TEAD4: variants seen among roughly 807,000 people sequenced by gnomAD.
TEAD4 encodes the protein TEA domain transcription factor 4.
TEAD4 carries 36 observed loss-of-function variants against 52.4 expected under a neutral mutation model. That is an observed-to-expected ratio of 0.69 (90% CI 0.53 to 0.91). TEAD4 has a LOEUF of 0.91. TEAD4 is among the 40% of genes least tolerant of loss of function. The pLI is 0.00. For synonymous variants in TEAD4, 220 were observed against 231.0 expected, an observed-to-expected ratio of 0.95 and a Z score of 0.43; for missense variants, 508 against 583.9, an observed-to-expected ratio of 0.87 and a Z score of 1.34.
At chr12:2,978,493 T>C (rs1308091819) in intron 2 of TEAD4, among the ~76,000 whole-genome samples, 1 of 150,610 alleles carries the variant, frequency 6.6e-6, no homozygotes, top group Non-Finnish European at 1.5e-5. Flanking sequence ...GCTCGCTGCC[T>C]CCGGGGTTCA....
At position 3,038,081 on chromosome 12, in the gene TEAD4, C is replaced by T. The variant is rs751102811; in HGVS notation, c.1011C>T (p.Phe337=). Reference sequence around the variant, plus strand: ...CCTGCTCCACGAAGGTCTGCTCTTTCGGCAAGCAGGTGGTGGAGAAAGTTG... The same window carrying T: ...CCTGCTCCACGAAGGTCTGCTCTTTTGGCAAGCAGGTGGTGGAGAAAGTTG... Residue 337 remains phenylalanine (F), a synonymous_variant, in exon 11 of 13, where the codon TTC becomes TTT. Transcript: ENST00000359864. 20 of 1,613,270 alleles carry T rather than the reference C, an allele frequency of 1.2e-5. No homozygotes were observed. Among genetic ancestry groups the T allele is most frequent in the African/African-American group, 1.2e-4 (9 of 74,910 alleles).
At chr12:2,997,836 C>T (rs1208527198) in intron 3 of TEAD4, among the ~76,000 whole-genome samples, 2 of 150,610 alleles carry the variant, frequency 1.3e-5, no homozygotes, top group African/African-American at 2.5e-5. Flanking sequence ...TTAAAAAATA[C>T]GTAACATTTT....
chr12:2,966,710 G>T (rs1003436650), intron 2 of TEAD4, among the ~76,000 whole-genome samples: 4 of 150,966 alleles, frequency 2.6e-5, no homozygotes, highest in African/African-American at 9.7e-5. Context: ...CATGCCCGGC[G>T]TATTTCTTTT....
intron 2 of TEAD4, among the ~76,000 whole-genome samples, chr12:2,963,008 G>T (rs1014062856): frequency 6.6e-6 from 1 of 152,206 alleles, no homozygotes; most frequent in African/African-American, 2.4e-5. Context: ...CTCAGATAAG[G>T]TTGGTAGGAG....
At chr12:3,032,731 A>AGGGTGAGGATG (rs371625267) in intron 10 of TEAD4, among the ~76,000 whole-genome samples, 3,144 of 61,276 alleles carry the variant, frequency 0.051, 99 homozygotes, top group African/African-American at 0.081. Context: ...CGGCCTGGGC[A>AGGGTGAGGATG]GGTGAAATCA....
intron 2 of TEAD4, among the ~76,000 whole-genome samples, chr12:2,992,097 C>T (rs2098243596): frequency 6.8e-6 from 1 of 146,826 alleles, no homozygotes; most frequent in Non-Finnish European, 1.5e-5. Flanking sequence ...TGGCCCACTG[C>T]AACCTCTGCC....
chr12:3,034,008 C>G (rs983388795), intron 10 of TEAD4, among the ~76,000 whole-genome samples: 5 of 151,496 alleles, frequency 3.3e-5, no homozygotes, highest in African/African-American at 1.2e-4. Flanking sequence ...GCAGTGTGAA[C>G]ATGAGTTCTG....
At chr12:3,018,461 T>C in intron 6 of TEAD4, 84 bp from the exon 7 acceptor site, 1 of 1,546,506 alleles carries the variant, frequency 6.5e-7, no homozygotes, top group Non-Finnish European at 8.9e-7. Context: ...GTGGAGGCCC[T>C]GCCCGGTCCT....
chr12:3,029,233 A>ATTTTTTTTT (rs71057880), intron 10 of TEAD4, among the ~76,000 whole-genome samples: 1 of 109,614 alleles, frequency 9.1e-6, no homozygotes, highest in Non-Finnish European at 1.8e-5. Flanking sequence ...CGCCTGGCCA[A>ATTTTTTTTT]TTTTTTTTTT....
chr12:2,963,998 G>A (rs2098218052), intron 2 of TEAD4, among the ~76,000 whole-genome samples: 1 of 152,108 alleles, frequency 6.6e-6, no homozygotes, highest in Non-Finnish European at 1.5e-5. Context: ...GCAGAGCCAG[G>A]GGTGACCCTC....
chr12:3,038,099 GA>G lies in TEAD4; in HGVS notation c.1032del (p.Val345LeufsTer26). On this transcript the variant is annotated frameshift_variant, in exon 11 of 13. Coordinates refer to ENST00000359864, the MANE Select transcript of TEAD4 (RefSeq NM_003213.4). LOFTEE classifies it high-confidence loss of function. ...GCTCTTTCGGCAAGCAGGTGGTGGA[GA>G]AAGTTGAGGTAGGAGGCCACCCTGG... 1 of 1,612,572 alleles carries G rather than the reference GA, an allele frequency of 6.2e-7. No individual in the cohort carries two copies. Among genetic ancestry groups the G allele is most frequent in the Non-Finnish European group, 8.5e-7 (1 of 1,178,846 alleles).
Position 2,985,384 on chromosome 12 carries a change from CAAAAAAAACAA to C in TEAD4, c.-29-9349_-29-9339del, listed in dbSNP as rs1279333104. ...TGGGTGACAGAGCAAGACTCTGTCT[CAAAAAAAACAA>C]AAAACAAAAAACAAAACCCAAAAAC... On this transcript the variant is annotated intron_variant, in intron 2 of 12. Coordinates refer to ENST00000359864, the MANE Select transcript of TEAD4 (RefSeq NM_003213.4). Among the ~76,000 whole-genome samples the C allele has an allele frequency of 2.1e-5, 3 of 144,384 alleles. No homozygotes were observed. In the Admixed American group the frequency reaches 2.1e-4, roughly 10 times the overall value. 94.7% of individuals were successfully genotyped at this position (144,384 alleles called of 152,430 possible). A position where few individuals can be genotyped will look rare whatever the true frequency, so the allele number is the denominator to read the frequency against.
At chr12:3,019,770 C>T (rs1314925432) in intron 8 of TEAD4, among the ~76,000 whole-genome samples, 1 of 152,216 alleles carries the variant, frequency 6.6e-6, no homozygotes, top group East Asian at 1.9e-4. Context: ...CCTGCCCGGC[C>T]CCTTGGCTTT....
chr12:3,022,274 A>G (rs1226986253), intron 10 of TEAD4, among the ~76,000 whole-genome samples: 2 of 152,198 alleles, frequency 1.3e-5, no homozygotes, highest in Non-Finnish European at 2.9e-5. Flanking sequence ...CCGGGCTAAC[A>G]GTGGAGCCCT....
Position 3,019,305 on chromosome 12 carries a change from A to C in TEAD4, c.583+135A>C, listed in dbSNP as rs527393627. On this transcript the variant is annotated intron_variant, in intron 8 of 12. Coordinates refer to ENST00000359864, the MANE Select transcript of TEAD4 (RefSeq NM_003213.4). Reference sequence around the variant, plus strand: ...GTCATGCACACTGACCACACGTCCTAGTCCCTGGCCACACCCCATTCCTTT... The same window carrying C: ...GTCATGCACACTGACCACACGTCCTCGTCCCTGGCCACACCCCATTCCTTT... 18 of 994,722 alleles carry C rather than the reference A, an allele frequency of 1.8e-5. No individual in the cohort carries two copies. In the South Asian group the frequency reaches 2.6e-4, roughly 14 times the overall value. 61.6% of individuals were successfully genotyped at this position (994,722 alleles called of 1,614,324 possible). A position where few individuals can be genotyped will look rare whatever the true frequency, so the allele number is the denominator to read the frequency against.
intron 3 of TEAD4, among the ~76,000 whole-genome samples, chr12:2,996,438 C>T (rs1233649126): frequency 1.4e-5 from 2 of 146,824 alleles, no homozygotes; most frequent in African/African-American, 5.0e-5. Flanking sequence ...GATGGAGTTT[C>T]ACTCTTGTTG....
chr12:2,968,005 G>C (rs2098221795), intron 2 of TEAD4, among the ~76,000 whole-genome samples: 1 of 151,456 alleles, frequency 6.6e-6, no homozygotes, highest in Admixed American at 6.6e-5. Context: ...TATATCCTGA[G>C]CTGTTAAGTA....
chr12:2,982,089 G>A (rs968589431), intron 2 of TEAD4, among the ~76,000 whole-genome samples: 2 of 152,290 alleles, frequency 1.3e-5, no homozygotes, highest in South Asian at 2.1e-4. Context: ...CTGGGGTCTG[G>A]TTCTGCCTTT....
Position 2,994,685 on chromosome 12 carries a change from G to C in TEAD4, c.-29-53G>C, listed in dbSNP as rs1187240965. 3 of 1,494,964 alleles carry C rather than the reference G, an allele frequency of 2.0e-6. No homozygotes were observed. The African/African-American group carries it at 4.2e-5, about 21-fold the overall frequency. The allele number at this position is 1,494,964 out of a possible 1,614,324, so 92.6% of individuals were successfully genotyped here. A position where few individuals can be genotyped will look rare whatever the true frequency, so the allele number is the denominator to read the frequency against. On this transcript the variant is annotated intron_variant, in intron 2 of 12. Transcript: ENST00000359864. The surrounding 1 kb of genome is among the most constrained non-coding windows in gnomAD (Gnocchi z 4.7). Reference sequence around the variant, plus strand: ...ACTCCCCGGAGTGCCTTCATCCCGTGGCCCACGCAGTTCTTCCACTGCTCA... The same window carrying C: ...ACTCCCCGGAGTGCCTTCATCCCGTCGCCCACGCAGTTCTTCCACTGCTCA...
Sources: gnomAD v4.1 joint callset for allele counts (sites outside exome capture counted in the v4.1 genomes callset) on GRCh38, gnomAD v4.1.1 for gene constraint, Gnocchi (gnomAD v3.1) non-coding constraint, MANE v1.5 for transcripts, NCBI Gene and HGNC (gene_info 2026-07-23, HGNC 2026-07-21) for gene names.